Variants in IL17RB observed in about 807,000 individuals in gnomAD.
IL17RB encodes the protein interleukin 17 receptor B.
A neutral mutation model predicts 43.9 loss-of-function variants in IL17RB; 36 were observed. The ratio of observed to expected loss-of-function variants is 0.82; its 90% CI spans 0.63 to 1.08. The LOEUF (loss-of-function observed/expected upper bound fraction) is 1.08, where lower values mean the gene tolerates loss of function less well. Among genes scored for constraint, IL17RB ranks in the 50% least tolerant of loss-of-function variants. The probability of loss-of-function intolerance (pLI) is 0.00; values close to 1 mark genes in which losing one functional copy is unlikely to be tolerated. For missense variants in IL17RB, 613 were observed against 613.6 expected, an observed-to-expected ratio of 1.00 and a Z score of 0.01; for synonymous variants, 225 against 225.4, an observed-to-expected ratio of 1.00 and a Z score of 0.02.
intron 10 of IL17RB, among the ~76,000 whole-genome samples, chr3:53,862,708 G>A (rs528988077): frequency 5.9e-5 from 9 of 152,126 alleles, no homozygotes; most frequent in African/African-American, 1.4e-4. Context: ...AAAACAAATC[G>A]ACATTAAACA....
At chr3:53,858,232 TC>T in intron 8 of IL17RB, 1 of 470,146 alleles carries the variant, frequency 2.1e-6, no homozygotes, top group Non-Finnish European at 2.8e-6. Context: ...GTAAGGAGCT[TC>T]CATGCTTCAT....
rs551899716 is a variant in IL17RB, at chr3:53,849,529, A to AT, written c.86-124dup. On this transcript the variant is annotated intron_variant, in intron 2 of 10. Coordinates refer to ENST00000288167, the MANE Select transcript of IL17RB (RefSeq NM_018725.4). ...CATCTCTACAAAAAACATTTTTTTA[A>AT]TTAAAAAAAAAAGAAGTGAGGAATT... 4.3e-4 allele frequency: 317 copies of AT among 734,914 alleles called. 2 individuals carry two copies. The African/African-American group carries it at 0.013, about 31-fold the overall frequency. The allele number at this position is 734,914 out of a possible 1,614,324, so 45.5% of individuals were successfully genotyped here.
intron 4 of IL17RB, 122 bp downstream of exon 4, chr3:53,852,248 C>A (rs1329026881): frequency 1.1e-6 from 1 of 884,722 alleles, no homozygotes; most frequent in Non-Finnish European, 1.8e-6. Flanking sequence ...CTCAAGCGAT[C>A]GTTCTACTTC....
At chr3:53,857,714 G>C in intron 8 of IL17RB, 24 bp downstream of exon 8, 1 of 1,583,288 alleles carries the variant, frequency 6.3e-7, no homozygotes, top group Non-Finnish European at 8.7e-7. Context: ...AGCTGCTCTG[G>C]GGAGGGAAGG....
In IL17RB at chr3:53,856,976, A is replaced by C. The variant is rs137866081; in HGVS notation, c.662A>C (p.Gln221Pro). The stretch of plus-strand genomic sequence containing the variant: ...CACAGCACTATCATCGGGTTTTCTC[A>C]GGTGTTTGAGGTACTTTTTCTCTTC... ...IQHSTIIGFS[Q>P]VFEPHQKKQT... Residue 221 changes from glutamine (Q) to proline (P), a missense_variant, in exon 7 of 11, where the codon CAG (glutamine) becomes CCG (proline). Transcript: ENST00000288167. 241 of 1,613,966 alleles carry C rather than the reference A, an allele frequency of 1.5e-4. No homozygotes were observed. In the African/African-American group the frequency reaches 2.9e-3, roughly 20 times the overall value.
At chr3:53,863,225 T>A (rs1289047008) in intron 10 of IL17RB, among the ~76,000 whole-genome samples, 1 of 152,214 alleles carries the variant, frequency 6.6e-6, no homozygotes, top group Non-Finnish European at 1.5e-5. Context: ...AGTTAAGTTG[T>A]GGGAAAATCA....
Position 53,865,571 on chromosome 3 carries a change from C to A in IL17RB, c.*263C>A. On this transcript the variant is annotated 3_prime_UTR_variant, in exon 11 of 11. Transcript: ENST00000288167. The stretch of plus-strand genomic sequence containing the variant: ...GAAAACTATAACCATTTTGATAATG[C>A]AACAATAAAGCATCTTCAGCCAAAC... 1 of 418,044 alleles carries A rather than the reference C, an allele frequency of 2.4e-6. No homozygotes were observed. The highest frequency in any genetic ancestry group is 4.3e-6 in the Non-Finnish European group (1 of 233,854). The allele number at this position is 418,044 out of a possible 1,614,324, so 25.9% of individuals were successfully genotyped here.
In IL17RB at chr3:53,865,465, TG is replaced by T; in HGVS notation, c.*158del. 3.5e-6 allele frequency: 2 copies of T among 574,862 alleles called. No individual in the cohort carries two copies. The highest frequency in any genetic ancestry group is 6.0e-6 in the Non-Finnish European group (2 of 335,236). 35.6% of individuals were successfully genotyped at this position (574,862 alleles called of 1,614,324 possible). The stretch of plus-strand genomic sequence containing the variant: ...AAAATTTTCAAATATTGCTAACTAA[TG>T]TAGCATTAACTAACGATTGGAAACT... On this transcript the variant is annotated 3_prime_UTR_variant, in exon 11 of 11. Transcript: ENST00000288167.
intron 1 of IL17RB, among the ~76,000 whole-genome samples, chr3:53,847,844 A>G (rs1309046729): frequency 6.6e-6 from 1 of 152,194 alleles, no homozygotes; most frequent in Non-Finnish European, 1.5e-5. Flanking sequence ...TCATTTTTTA[A>G]AAGACAAATA....
Position 53,864,839 on chromosome 3 carries a change from C to T in IL17RB, c.1040C>T (p.Thr347Ile). 2 of 1,614,112 alleles carry T rather than the reference C, an allele frequency of 1.2e-6. No individual in the cohort carries two copies. The highest frequency in any genetic ancestry group is 1.7e-6 in the Non-Finnish European group (2 of 1,179,940). ...VYPSEICFHH[T>I]ICYFTEFLQN... ...CCATCTGAAATATGTTTCCATCACA[C>T]AATTTGTTACTTCACTGAATTTCTT... The change falls in exon 11 of 11, where the codon ACA (threonine) becomes ATA (isoleucine). Residue 347 changes from threonine (T) to isoleucine (I), a missense_variant. By Grantham distance (89) the Thr-to-Ile change is moderately conservative. Coordinates refer to ENST00000288167, the MANE Select transcript of IL17RB (RefSeq NM_018725.4).
chr3:53,848,139 G>A (rs556952534), intron 1 of IL17RB, among the ~76,000 whole-genome samples: 75 of 152,326 alleles, frequency 4.9e-4, no homozygotes, highest in Non-Finnish European at 8.2e-4. Context: ...ATTGCTTATG[G>A]TTTCGTGAAT....
intron 5 of IL17RB, among the ~76,000 whole-genome samples, chr3:53,855,027 G>C (rs1031358889): frequency 6.7e-6 from 1 of 148,610 alleles, no homozygotes; most frequent in African/African-American, 2.5e-5. Context: ...TGAGGCAGGA[G>C]AATGGCGTGA....
chr3:53,857,564 G>A lies in IL17RB; in HGVS notation c.673-52G>A, dbSNP rs1699386643. 50 of 1,527,930 alleles carry A rather than the reference G, an allele frequency of 3.3e-5. No individual in the cohort carries two copies. In the South Asian group the frequency reaches 4.0e-4, roughly 12 times the overall value. 94.6% of individuals were successfully genotyped at this position (1,527,930 alleles called of 1,614,324 possible). ...CCTCCCAAAGTGTTGGGATTACAGG[G>A]GTGAGCCAGTGCACCTGGCACCTCA... On this transcript the variant is annotated intron_variant, in intron 7 of 10. Transcript: ENST00000288167.
At chr3:53,858,278 G>A (rs1417396025) in intron 8 of IL17RB, 1 of 912,182 alleles carries the variant, frequency 1.1e-6, no homozygotes, top group Non-Finnish European at 1.3e-6. Flanking sequence ...CACACCAGAG[G>A]GGGCAGGCAC....
At chr3:53,862,542 G>T (rs79255962) in intron 10 of IL17RB, among the ~76,000 whole-genome samples, 2,501 of 152,254 alleles carry the variant, frequency 0.016, 78 homozygotes, top group South Asian at 0.11. Flanking sequence ...CAAAAAAGGT[G>T]GGGGGTGAAG....
At chr3:53,849,274 C>T (rs763960870) in intron 2 of IL17RB, among the ~76,000 whole-genome samples, 2 of 152,186 alleles carry the variant, frequency 1.3e-5, no homozygotes, top group South Asian at 2.1e-4. Context: ...AGTGGTCCCA[C>T]GTGCTCTGTA....
chr3:53,852,130 A>G lies in IL17RB; in HGVS notation c.354+4A>G, dbSNP rs1412094054. 1 of 1,613,426 alleles carries G rather than the reference A, an allele frequency of 6.2e-7. No homozygotes were observed. The highest frequency in any genetic ancestry group is 1.3e-5 in the African/African-American group (1 of 74,860). On this transcript the variant is annotated splice_donor_region_variant and intron_variant, in intron 4 of 10. Coordinates refer to ENST00000288167, the MANE Select transcript of IL17RB (RefSeq NM_018725.4). ...GACCAGACCCTCTGGTGGTAAAGTAAGCACTTTTTTGTTTTTTGTTTTGTT... is the reference window on the plus strand; with the variant it reads ...GACCAGACCCTCTGGTGGTAAAGTAGGCACTTTTTTGTTTTTTGTTTTGTT...
At position 53,849,770 on chromosome 3, in the gene IL17RB, T is replaced by C. The variant is rs142019016; in HGVS notation, c.201T>C (p.Asn67=). The C allele has an allele frequency of 3.1e-6, 5 of 1,609,236 alleles. No individual in the cohort carries two copies. The East Asian group carries it at 6.7e-5, about 22-fold the overall frequency. The change falls in exon 3 of 11, where the codon AAT becomes AAC. Residue 67 remains asparagine (N), a synonymous_variant. Transcript: ENST00000288167. ...VATGDYSILM[N]VSWVLRADAS... Reference sequence around the variant, plus strand: ...CAGGGGACTATTCAATTTTGATGAATGTAAGCTGGGTACTCCGGGCAGATG... The same window carrying C: ...CAGGGGACTATTCAATTTTGATGAACGTAAGCTGGGTACTCCGGGCAGATG...
At chr3:53,863,515 G>C (rs991998245) in intron 10 of IL17RB, among the ~76,000 whole-genome samples, 1 of 152,200 alleles carries the variant, frequency 6.6e-6, no homozygotes, top group South Asian at 2.1e-4. Flanking sequence ...GAAAGCCACA[G>C]GGGCACCTGG....
Sources: allele counts gnomAD v4.1 joint callset (sites outside exome capture counted in the v4.1 genomes callset), GRCh38; gene constraint gnomAD v4.1.1; transcripts MANE v1.5; gene names NCBI Gene and HGNC (gene_info 2026-07-23, HGNC 2026-07-21).